Variants in HTR4 observed in about 807,000 individuals in gnomAD.
The protein encoded by HTR4 is 5-hydroxytryptamine (serotonin) receptor 4, G protein-coupled.
In HTR4, 16 loss-of-function variants were observed where a neutral mutation model predicts 36.8. The observed-to-expected ratio is 0.43, with a 90% CI of 0.29 to 0.66. HTR4 has a LOEUF of 0.66. Among genes scored for constraint, HTR4 ranks in the 30% least tolerant of loss-of-function variants. The pLI is 0.13. For synonymous variants in HTR4, 189 were observed against 185.1 expected, an observed-to-expected ratio of 1.02 and a Z score of -0.17; for missense variants, 438 against 490.9, an observed-to-expected ratio of 0.89 and a Z score of 1.02.
chr5:148,636,036 A>G (rs1357551640), intron 2 of HTR4, among the ~76,000 whole-genome samples: 1 of 152,188 alleles, frequency 6.6e-6, no homozygotes, highest in African/African-American at 2.4e-5. Context: ...TCTTTATTAA[A>G]TACCCACCAT....
At chr5:148,554,462 AAGG>A (rs1220649403) in intron 2 of HTR4, among the ~76,000 whole-genome samples, 2 of 152,238 alleles carry the variant, frequency 1.3e-5, no homozygotes, top group Non-Finnish European at 2.9e-5. Context: ...TCACACACAA[AAGG>A]AGAAGTATTG....
At chr5:148,483,423 A>G in intron 6 of HTR4, 130 bp from the exon 7 acceptor site, 1 of 772,982 alleles carries the variant, frequency 1.3e-6, no homozygotes, top group Non-Finnish European at 2.2e-6. Context: ...GCTTCTACTT[A>G]GGAATTTCCA....
intron 5 of HTR4, among the ~76,000 whole-genome samples, chr5:148,465,282 A>G (rs926405707): frequency 2.0e-5 from 3 of 152,168 alleles, no homozygotes; most frequent in Non-Finnish European, 4.4e-5. Flanking sequence ...TAACTAATTT[A>G]CCACTCTGGA....
chr5:148,493,474 C>T lies in HTR4; in HGVS notation c.1077-10181G>A, dbSNP rs541661495. On this transcript the variant is annotated intron_variant, in intron 6 of 6. Coordinates refer to ENST00000377888, the MANE Select transcript of HTR4 (RefSeq NM_000870.7). ...TAATTCCACATACAAGTTAAATGCT[C>T]TTTTATTTACATTCGAAGTTGGCAT... is the stretch of plus-strand genomic sequence containing the variant. Among the ~76,000 whole-genome samples the T allele has an allele frequency of 1.7e-3, 256 of 152,182 alleles. 1 individual carries two copies. Among genetic ancestry groups the T allele is most frequent in the Middle Eastern group, 3.4e-3 (1 of 294 alleles).
At chr5:148,456,564 C>T (rs1019211121) in intron 5 of HTR4, among the ~76,000 whole-genome samples, 1 of 152,174 alleles carries the variant, frequency 6.6e-6, no homozygotes, top group African/African-American at 2.4e-5. Context: ...AAGTTACTCC[C>T]ACCTCCTTGA....
At chr5:148,610,453 T>C (rs897221619) in intron 2 of HTR4, among the ~76,000 whole-genome samples, 5 of 151,890 alleles carry the variant, frequency 3.3e-5, no homozygotes, top group Admixed American at 6.6e-5. Flanking sequence ...CCAACAGACC[T>C]GCAGCTGAGG....
intron 6 of HTR4, among the ~76,000 whole-genome samples, chr5:148,506,175 G>T (rs1418671786): frequency 6.6e-6 from 1 of 152,106 alleles, no homozygotes; most frequent in Non-Finnish European, 1.5e-5. Context: ...CTAAAACAGA[G>T]ATATAGACTA....
intron 2 of HTR4, among the ~76,000 whole-genome samples, chr5:148,636,114 C>T (rs1160122932): frequency 2.0e-5 from 3 of 152,114 alleles, no homozygotes; most frequent in Non-Finnish European, 4.4e-5. Context: ...GTTGGGGTGA[C>T]AGTACATCTT....
At chr5:148,456,136 A>G (rs1044946201) in intron 5 of HTR4, among the ~76,000 whole-genome samples, 1 of 152,224 alleles carries the variant, frequency 6.6e-6, no homozygotes, top group African/African-American at 2.4e-5. Flanking sequence ...GGAGTCTAGC[A>G]GAGGACAGCA....
chr5:148,499,401 T>C (rs750084793), intron 6 of HTR4, among the ~76,000 whole-genome samples: 1 of 152,174 alleles, frequency 6.6e-6, no homozygotes, highest in Non-Finnish European at 1.5e-5. Context: ...GCCTATAAAA[T>C]TGTAAATTTT....
intron 2 of HTR4, among the ~76,000 whole-genome samples, chr5:148,610,910 T>G (rs1014096121): frequency 8.7e-5 from 13 of 149,220 alleles, no homozygotes; most frequent in African/African-American, 3.3e-4. Context: ...TGCGATCAAC[T>G]GGAAGAAAGG....
intron 2 of HTR4, among the ~76,000 whole-genome samples, chr5:148,550,970 G>A (rs1445633819): frequency 6.6e-6 from 1 of 151,836 alleles, no homozygotes. Flanking sequence ...ACAGCCCCCA[G>A]CTCAGGGGGA....
chr5:148,548,997 G>C, intron 3 of HTR4, 129 bp from the exon 4 acceptor site: 1 of 689,602 alleles, frequency 1.5e-6, no homozygotes. Flanking sequence ...GAGGGGGAAA[G>C]AGGAAAGAAA....
At chr5:148,469,210 G>A (rs1755506454) in intron 5 of HTR4, among the ~76,000 whole-genome samples, 1 of 152,158 alleles carries the variant, frequency 6.6e-6, no homozygotes, top group South Asian at 2.1e-4. Context: ...AAAAAAATCT[G>A]AGCTAAAGCT....
At chr5:148,549,623 A>T (rs1759582762) in intron 3 of HTR4, among the ~76,000 whole-genome samples, 1 of 152,198 alleles carries the variant, frequency 6.6e-6, no homozygotes, top group Non-Finnish European at 1.5e-5. Flanking sequence ...GCCTGATTAG[A>T]TTTGAACTTT....
At chr5:148,607,244 C>T (rs150569309) in intron 2 of HTR4, among the ~76,000 whole-genome samples, 1 of 152,306 alleles carries the variant, frequency 6.6e-6, no homozygotes, top group African/African-American at 2.4e-5. Context: ...TCCTTCTTTT[C>T]CATGCTCCCA....
chr5:148,529,737 CAGA>C (rs1309891334), intron 4 of HTR4, among the ~76,000 whole-genome samples: 1 of 152,186 alleles, frequency 6.6e-6, no homozygotes, highest in Non-Finnish European at 1.5e-5. Context: ...ATGGAGGACT[CAGA>C]AGAAGACAGG....
intron 5 of HTR4, among the ~76,000 whole-genome samples, chr5:148,460,214 G>T (rs928896827): frequency 6.6e-6 from 1 of 150,708 alleles, no homozygotes; most frequent in African/African-American, 2.4e-5. Context: ...AGAAACAGAA[G>T]AAATATTTCA....
At chr5:148,542,428 A>G (rs1012356027) in intron 4 of HTR4, among the ~76,000 whole-genome samples, 2 of 152,198 alleles carry the variant, frequency 1.3e-5, no homozygotes, top group Admixed American at 6.5e-5. Flanking sequence ...CACAAGATTA[A>G]ACATGCAACC....
Sources: allele counts gnomAD v4.1 joint callset (sites outside exome capture counted in the v4.1 genomes callset), GRCh38; gene constraint gnomAD v4.1.1; transcripts MANE v1.5; gene names NCBI Gene and HGNC (gene_info 2026-07-23, HGNC 2026-07-21).